NKAIN3: variants seen among roughly 807,000 people sequenced by gnomAD.
NKAIN3 encodes sodium/potassium-transporting ATPase subunit beta-1-interacting protein 3.
Under a neutral mutation model 30.2 loss-of-function variants are expected in NKAIN3, and 25 were observed. The observed-to-expected ratio is 0.83, with a 90% CI of 0.60 to 1.16. The LOEUF (loss-of-function observed/expected upper bound fraction) is 1.16. NKAIN3 is among the 50% of genes most tolerant of loss of function. NKAIN3 has a pLI of 0.00. For synonymous variants in NKAIN3, 91 were observed against 89.6 expected (o/e 1.02, Z -0.09); for missense variants, 225 against 254.1 (o/e 0.89, Z 0.78).
At chr8:62,296,184 C>T (rs1454842534) in intron 1 of NKAIN3, among the ~76,000 whole-genome samples, 1 of 152,122 alleles carries the variant, frequency 6.6e-6, no homozygotes, top group Non-Finnish European at 1.5e-5. Context: ...AGGACTCCTT[C>T]ATAGGGAAAT....
chr8:62,342,255 T>C (rs1182864758), intron 1 of NKAIN3, among the ~76,000 whole-genome samples: 11 of 113,382 alleles, frequency 9.7e-5, no homozygotes, highest in African/African-American at 3.8e-4. Flanking sequence ...AAAAAAGAGA[T>C]AGAAAATAAA....
At chr8:62,340,782 G>T (rs1213825417) in intron 1 of NKAIN3, among the ~76,000 whole-genome samples, 1 of 151,950 alleles carries the variant, frequency 6.6e-6, no homozygotes, top group African/African-American at 2.4e-5. Flanking sequence ...GAGCATTCTT[G>T]CTGAAACTTG....
chr8:62,337,637 T>C (rs1459286339), intron 1 of NKAIN3, among the ~76,000 whole-genome samples: 1 of 151,824 alleles, frequency 6.6e-6, no homozygotes, highest in Non-Finnish European at 1.5e-5. Context: ...TGTGTACACA[T>C]ATACAAACAA....
chr8:62,512,589 C>T (rs2129742425), intron 1 of NKAIN3, among the ~76,000 whole-genome samples: 1 of 152,188 alleles, frequency 6.6e-6, no homozygotes, highest in Non-Finnish European at 1.5e-5. Flanking sequence ...ATCTCAAATT[C>T]CACTATTCTA....
At chr8:62,684,863 C>T (rs1813748615) in intron 3 of NKAIN3, among the ~76,000 whole-genome samples, 1 of 152,118 alleles carries the variant, frequency 6.6e-6, no homozygotes, top group Non-Finnish European at 1.5e-5. Flanking sequence ...AGATGGCCAG[C>T]TACAAGACAA....
At chr8:62,747,604 G>A (rs985320469) in intron 4 of NKAIN3, among the ~76,000 whole-genome samples, 24 of 152,150 alleles carry the variant, frequency 1.6e-4, no homozygotes, top group African/African-American at 5.8e-4. Flanking sequence ...CCTAAAATCT[G>A]GCATCAGAAT....
chr8:62,839,696 G>T (rs1181662658), intron 4 of NKAIN3, among the ~76,000 whole-genome samples: 2 of 151,906 alleles, frequency 1.3e-5, no homozygotes, highest in African/African-American at 4.8e-5. Flanking sequence ...AATCCTCCTG[G>T]AGCCCAACTC....
chr8:62,760,543 A>C (rs1260176669), intron 4 of NKAIN3, among the ~76,000 whole-genome samples: 1 of 150,424 alleles, frequency 6.6e-6, no homozygotes, highest in Admixed American at 6.7e-5. Context: ...ACCAAACACC[A>C]CATGTTCTCA....
chr8:62,827,419 T>A (rs1250952308), intron 4 of NKAIN3, among the ~76,000 whole-genome samples: 3 of 152,242 alleles, frequency 2.0e-5, no homozygotes, highest in East Asian at 1.9e-4. Flanking sequence ...TTTGCTCTCA[T>A]AATGTGATTT....
intron 1 of NKAIN3, among the ~76,000 whole-genome samples, chr8:62,481,603 T>C (rs944301057): frequency 6.6e-6 from 1 of 152,190 alleles, no homozygotes; most frequent in Non-Finnish European, 1.5e-5. Context: ...AGTCTGTTGA[T>C]GTGATAACCA....
chr8:62,340,141 A>G (rs1261527897), intron 1 of NKAIN3, among the ~76,000 whole-genome samples: 2 of 152,062 alleles, frequency 1.3e-5, no homozygotes, highest in African/African-American at 4.8e-5. Context: ...TATGTTTTTT[A>G]ATGTATTTTT....
chr8:62,617,687 ATGT>A (rs1282764805), intron 3 of NKAIN3, among the ~76,000 whole-genome samples: 2 of 152,182 alleles, frequency 1.3e-5, no homozygotes, highest in African/African-American at 2.4e-5. Flanking sequence ...TATCTGGAAA[ATGT>A]TGTGCTTAAT....
At chr8:62,802,790 TA>T (rs1429581174) in intron 4 of NKAIN3, among the ~76,000 whole-genome samples, 4 of 152,118 alleles carry the variant, frequency 2.6e-5, no homozygotes, top group African/African-American at 9.7e-5. Flanking sequence ...TAAATGGACT[TA>T]ATGCTCCATT....
rs540248476 is a variant in NKAIN3 at position 62,606,224 on chromosome 8, C to A, written c.273+16430C>A. Among the ~76,000 whole-genome samples, 8 of 152,128 alleles carry A rather than the reference C, an allele frequency of 5.3e-5. No homozygotes were observed. In the South Asian group the frequency reaches 1.7e-3, roughly 32 times the overall value. On this transcript the variant is annotated intron_variant, in intron 3 of 6. Transcript: ENST00000623646. ...AAGGTCACTACCCTTGAGAGGTGAT[C>A]CTGTAGGGTCATGCTCTAAACAAGG... is the stretch of plus-strand genomic sequence containing the variant.
chr8:62,648,742 G>A (rs776960093), intron 3 of NKAIN3, among the ~76,000 whole-genome samples: 12 of 152,082 alleles, frequency 7.9e-5, no homozygotes, highest in Non-Finnish European at 1.3e-4. Flanking sequence ...AGCCATTCTA[G>A]GGCTTAGTTA....
At chr8:62,992,384 C>A (rs903846834) in intron 5 of NKAIN3, among the ~76,000 whole-genome samples, 1 of 151,950 alleles carries the variant, frequency 6.6e-6, no homozygotes, top group Non-Finnish European at 1.5e-5. Context: ...TGGGGATGCC[C>A]CTCTCTATGT....
chr8:62,871,120 G>C (rs888129896), intron 4 of NKAIN3, among the ~76,000 whole-genome samples: 2 of 151,976 alleles, frequency 1.3e-5, no homozygotes, highest in South Asian at 2.1e-4. Context: ...ACACATCCAG[G>C]CTGGGTGCAG....
At chr8:62,317,589 T>A (rs1050392180) in intron 1 of NKAIN3, among the ~76,000 whole-genome samples, 8 of 152,342 alleles carry the variant, frequency 5.3e-5, no homozygotes, top group Admixed American at 1.3e-4. Context: ...TGGCTGTAGA[T>A]ATGTGGCATT....
intron 4 of NKAIN3, among the ~76,000 whole-genome samples, chr8:62,754,566 A>G (rs1563547342): frequency 6.6e-6 from 1 of 152,194 alleles, no homozygotes; most frequent in African/African-American, 2.4e-5. Flanking sequence ...GACAAGTCAC[A>G]TTCTTTAACA....
Sources: allele counts gnomAD v4.1 joint callset (sites outside exome capture counted in the v4.1 genomes callset), GRCh38; gene constraint gnomAD v4.1.1; transcripts MANE v1.5; gene names NCBI Gene and HGNC (gene_info 2026-07-23, HGNC 2026-07-21).